Variants in CADM2 observed in about 807,000 individuals in gnomAD.
The protein encoded by CADM2 is cell adhesion molecule 2, also known as immunoglobulin superfamily member 4D.
Under a neutral mutation model 49.8 loss-of-function variants are expected in CADM2, and 12 were observed. The observed-to-expected ratio is 0.24, with a 90% CI of 0.15 to 0.39. The LOEUF is 0.39. Ranked by LOEUF, CADM2 falls within the 10% of genes least tolerant of loss-of-function variation. The probability of loss-of-function intolerance (pLI) is 1.00; values close to 1 mark genes in which losing one functional copy is unlikely to be tolerated. For missense variants in CADM2, 378 were observed against 492.3 expected, an observed-to-expected ratio of 0.77 and a Z score of 2.20; for synonymous variants, 214 against 175.4, an observed-to-expected ratio of 1.22 and a Z score of -1.74.
At chr3:85,314,314 C>T (rs1391207758) in intron 1 of CADM2, among the ~76,000 whole-genome samples, 1 of 151,736 alleles carries the variant, frequency 6.6e-6, no homozygotes, top group Non-Finnish European at 1.5e-5. Flanking sequence ...TTGCTTTATG[C>T]ACGTTTTTTT....
intron 1 of CADM2, among the ~76,000 whole-genome samples, chr3:85,562,080 T>C (rs540906291): frequency 1.9e-4 from 29 of 152,258 alleles, no homozygotes; most frequent in African/African-American, 6.7e-4. Flanking sequence ...TACTTGGAGC[T>C]AGGTAACGTT....
intron 2 of CADM2, among the ~76,000 whole-genome samples, chr3:85,761,367 C>G (rs1316067987): frequency 9.9e-6 from 1 of 101,090 alleles, no homozygotes; most frequent in South Asian, 3.4e-4. Context: ...CAACACAAAA[C>G]TTTTTTTTTT....
chr3:85,655,721 A>C (rs955325041), intron 1 of CADM2, among the ~76,000 whole-genome samples: 1 of 152,218 alleles, frequency 6.6e-6, no homozygotes, highest in African/African-American at 2.4e-5. Flanking sequence ...CAAACCCAGC[A>C]GAAGCTAGTG....
chr3:85,781,551 T>A (rs1030123886), intron 2 of CADM2, among the ~76,000 whole-genome samples: 6 of 152,198 alleles, frequency 3.9e-5, no homozygotes, highest in Non-Finnish European at 7.3e-5. Flanking sequence ...AGAGAGAATG[T>A]AGAAAATGAG....
chr3:85,965,537 T>G (rs1725369179), intron 8 of CADM2, among the ~76,000 whole-genome samples: 1 of 151,474 alleles, frequency 6.6e-6, no homozygotes, highest in Admixed American at 6.6e-5. Context: ...CCCTGAAAGC[T>G]ACCGGAACAT....
intron 7 of CADM2, among the ~76,000 whole-genome samples, chr3:85,949,807 A>T (rs1723225670): frequency 6.6e-6 from 1 of 151,026 alleles, no homozygotes; most frequent in Admixed American, 6.7e-5. Flanking sequence ...ACTAGATCTT[A>T]TAAGGTTAAT....
chr3:85,486,377 A>C (rs894427213), intron 1 of CADM2, among the ~76,000 whole-genome samples: 1 of 152,164 alleles, frequency 6.6e-6, no homozygotes, highest in African/African-American at 2.4e-5. Context: ...AGTCTGTCAT[A>C]ATCTTATTTA....
intron 1 of CADM2, among the ~76,000 whole-genome samples, chr3:85,350,095 C>A (rs1009916267): frequency 9.9e-5 from 15 of 152,086 alleles, no homozygotes; most frequent in Admixed American, 4.6e-4. Context: ...GGAACACTAA[C>A]GAGGACAGAG....
At chr3:86,051,788 A>G (rs1737370615) in intron 8 of CADM2, among the ~76,000 whole-genome samples, 1 of 152,134 alleles carries the variant, frequency 6.6e-6, no homozygotes. Context: ...ATCAGATCTC[A>G]GGAGAACTCA....
At chr3:84,966,805 T>A (rs1320868026) in intron 1 of CADM2, among the ~76,000 whole-genome samples, 1 of 152,100 alleles carries the variant, frequency 6.6e-6, no homozygotes, top group African/African-American at 2.4e-5. Flanking sequence ...AATATTTAAA[T>A]TATCTTTCAG....
At chr3:85,568,400 TTTCTTTC>T (rs1241416931) in intron 1 of CADM2, among the ~76,000 whole-genome samples, 2 of 22,986 alleles carry the variant, frequency 8.7e-5, no homozygotes, top group African/African-American at 2.4e-4. Flanking sequence ...TTCCTCCCTC[TTTCTTTC>T]TTTCTTTCTT....
chr3:85,147,275 C>CAAAAAAAAAAAAAAAAAAAAAAAAA (rs759888985), intron 1 of CADM2, among the ~76,000 whole-genome samples: 1 of 45,964 alleles, frequency 2.2e-5, no homozygotes, highest in African/African-American at 5.0e-5. Flanking sequence ...GACTCTGTCT[C>CAAAAAAAAAAAAAAAAAAAAAAAAA]AAAAAAAAAA....
chr3:85,137,900 G>T (rs1411254414), intron 1 of CADM2, among the ~76,000 whole-genome samples: 1 of 151,966 alleles, frequency 6.6e-6, no homozygotes, highest in Non-Finnish European at 1.5e-5. Context: ...ATATGTTATA[G>T]AACATTCAAA....
intron 1 of CADM2, among the ~76,000 whole-genome samples, chr3:85,284,876 C>T (rs1472161914): frequency 6.6e-6 from 1 of 151,814 alleles, no homozygotes; most frequent in Non-Finnish European, 1.5e-5. Flanking sequence ...AAAGATCTGG[C>T]AAGTTGTGTC....
At chr3:85,611,144 T>G (rs956081250) in intron 1 of CADM2, among the ~76,000 whole-genome samples, 2 of 151,928 alleles carry the variant, frequency 1.3e-5, no homozygotes, top group Non-Finnish European at 2.9e-5. Context: ...AAAAGTCTCA[T>G]GCACAATGCT....
chr3:85,795,939 GA>G (rs1228626934), intron 2 of CADM2, among the ~76,000 whole-genome samples: 1 of 152,172 alleles, frequency 6.6e-6, no homozygotes, highest in Non-Finnish European at 1.5e-5. Flanking sequence ...TTTCACCATG[GA>G]AAAATCACTT....
intron 1 of CADM2, among the ~76,000 whole-genome samples, chr3:85,549,752 T>G (rs909186155): frequency 6.6e-6 from 1 of 151,372 alleles, no homozygotes; most frequent in Non-Finnish European, 1.5e-5. Flanking sequence ...GCCTCCCAAG[T>G]AGCTGGGATT....
intron 1 of CADM2, among the ~76,000 whole-genome samples, chr3:85,364,012 T>C (rs139814548): frequency 0.018 from 2,668 of 152,342 alleles, 73 homozygotes; most frequent in African/African-American, 0.059. Flanking sequence ...CATTATAATA[T>C]GTAACAACAG....
At chr3:85,914,837 G>T (rs1300231365) in intron 6 of CADM2, among the ~76,000 whole-genome samples, 1 of 152,120 alleles carries the variant, frequency 6.6e-6, no homozygotes, top group Non-Finnish European at 1.5e-5. Flanking sequence ...TGTGTTCTCA[G>T]GATTAGGAGC....
Sources: gnomAD v4.1 joint callset for allele counts (sites outside exome capture counted in the v4.1 genomes callset) on GRCh38, gnomAD v4.1.1 for gene constraint, MANE v1.5 for transcripts, NCBI Gene and HGNC (gene_info 2026-07-23, HGNC 2026-07-21) for gene names.